The following FBLN7 variants were observed in gnomAD, a reference collection of about 807,000 sequenced individuals.
The protein encoded by FBLN7 is fibulin-7.
A neutral mutation model predicts 44.0 loss-of-function variants in FBLN7; 31 were observed. The observed-to-expected ratio is 0.70, with a 90% CI of 0.53 to 0.95. FBLN7 has a LOEUF of 0.95. Among genes scored for constraint, FBLN7 ranks in the 40% least tolerant of loss-of-function variants. The probability of loss-of-function intolerance (pLI) is 0.00; values close to 1 mark genes in which losing one functional copy is unlikely to be tolerated. For synonymous variants in FBLN7, 262 were observed against 253.4 expected, an observed-to-expected ratio of 1.03 and a Z score of -0.32; for missense variants, 573 against 618.5, an observed-to-expected ratio of 0.93 and a Z score of 0.78.
At chr2:112,220,938 T>C in the FBLN7 span, among the ~76,000 whole-genome samples, 2 of 152,384 alleles carry the variant, frequency 1.3e-5, no homozygotes, top group East Asian at 3.9e-4. Flanking sequence ...GTCATGAGGA[T>C]GATCTTCTTG....
rs555262950 is a variant in FBLN7, at chr2:112,162,352, G to T, written c.235+2517G>T. 8.6e-5 allele frequency among the ~76,000 whole-genome samples: 13 copies of T among 151,026 alleles called. 1 individual carries two copies. The South Asian group carries it at 2.5e-3, about 29-fold the overall frequency. On this transcript the variant is annotated intron_variant, in intron 2 of 7. Coordinates refer to ENST00000331203, the MANE Select transcript of FBLN7 (RefSeq NM_153214.3). ...TTTTTTTTAAGGGAATTTGCTGGGA[G>T]TCAGGAAGAATAATTTCCAGTTCTG...
At chr2:112,183,852 G>A (rs1683119213) in intron 6 of FBLN7, among the ~76,000 whole-genome samples, 1 of 152,174 alleles carries the variant, frequency 6.6e-6, no homozygotes, top group Admixed American at 6.5e-5. Flanking sequence ...TAGGAAGGAT[G>A]TGTGCAGAGT....
intron 1 of FBLN7, among the ~76,000 whole-genome samples, chr2:112,157,730 C>A (rs1489117328): frequency 6.6e-6 from 1 of 152,170 alleles, no homozygotes; most frequent in African/African-American, 2.4e-5. Context: ...CTCAAGTGAT[C>A]TTCCTGCCTA....
At chr2:112,157,231 A>G (rs1681477514) in intron 1 of FBLN7, among the ~76,000 whole-genome samples, 1 of 152,028 alleles carries the variant, frequency 6.6e-6, no homozygotes, top group South Asian at 2.1e-4. Context: ...TTAGCGGGGC[A>G]TGGCGGTGGG....
At chr2:112,141,739 G>A (rs1324028181) in intron 1 of FBLN7, among the ~76,000 whole-genome samples, 1 of 152,208 alleles carries the variant, frequency 6.6e-6, no homozygotes, top group Admixed American at 6.5e-5. Context: ...GATGTGTGAT[G>A]AGATGCGTGA....
At chr2:112,149,335 G>T (rs1009187101) in intron 1 of FBLN7, among the ~76,000 whole-genome samples, 10 of 152,218 alleles carry the variant, frequency 6.6e-5, no homozygotes, top group African/African-American at 2.2e-4. Flanking sequence ...TCTTGGGCTA[G>T]CCTGGAGTCT....
chr2:112,231,797 TAAAAAAG>T, the FBLN7 span: 1 of 1,341,862 alleles, frequency 7.5e-7, no homozygotes, highest in South Asian at 1.4e-5. Flanking sequence ...ACATATTCCT[TAAAAAAG>T]AAAAAACAAA....
chr2:112,168,974 T>TA (rs906829482), intron 3 of FBLN7, among the ~76,000 whole-genome samples: 4 of 152,028 alleles, frequency 2.6e-5, no homozygotes, highest in Admixed American at 2.0e-4. Flanking sequence ...ATTACGCCAT[T>TA]AAAAAACAGC....
the FBLN7 span, among the ~76,000 whole-genome samples, chr2:112,243,189 C>A: frequency 1.3e-5 from 2 of 152,150 alleles, no homozygotes; most frequent in Non-Finnish European, 2.9e-5. Context: ...TAATTTGCAG[C>A]AGATATATTT....
At chr2:112,229,198 A>G in the FBLN7 span, among the ~76,000 whole-genome samples, 1 of 151,878 alleles carries the variant, frequency 6.6e-6, no homozygotes, top group Non-Finnish European at 1.5e-5. Flanking sequence ...GGGAAAGAGC[A>G]GTCTTTTTAA....
At chr2:112,185,469 C>T (rs923140233) in intron 7 of FBLN7, 130 bp downstream of exon 7, 50 of 1,259,932 alleles carry the variant, frequency 4.0e-5, no homozygotes, top group South Asian at 1.3e-4. Flanking sequence ...GGCTGGGAGG[C>T]TGGTGTCTCT....
chr2:112,157,731 T>TTCC (rs1286506103), intron 1 of FBLN7, among the ~76,000 whole-genome samples: 1 of 152,132 alleles, frequency 6.6e-6, no homozygotes, highest in Admixed American at 6.5e-5. Flanking sequence ...TCAAGTGATC[T>TTCC]TCCTGCCTAC....
chr2:112,214,552 A>T, the FBLN7 span: 1 of 152,144 alleles, frequency 6.6e-6, no homozygotes, highest in Non-Finnish European at 1.5e-5. Flanking sequence ...AACCAAGGGG[A>T]GCAGAGGGAA....
chr2:112,222,666 A>AT, the FBLN7 span, among the ~76,000 whole-genome samples: 3 of 152,196 alleles, frequency 2.0e-5, no homozygotes, highest in East Asian at 1.9e-4. Context: ...CTTATATGAG[A>AT]TAAAAAAAGG....
chr2:112,159,767 G>A lies in FBLN7; in HGVS notation c.167G>A (p.Arg56His), dbSNP rs200236890. 2.1e-5 allele frequency: 33 copies of A among 1,604,086 alleles called. No homozygotes were observed. The East Asian group carries it at 3.9e-4, about 19-fold the overall frequency. Residue 56 changes from arginine (R) to histidine (H), a missense_variant, in exon 2 of 8, where the codon CGC (arginine) becomes CAC (histidine). Arg to His is a conservative substitution (Grantham distance 29, BLOSUM62 0). Transcript: ENST00000331203. ...GAGACACGCTTCGCCGAGGGCATCCGCCACATGAAGAGCCGGCTGGCCGCG... is the reference window on the plus strand; with the variant it reads ...GAGACACGCTTCGCCGAGGGCATCCACCACATGAAGAGCCGGCTGGCCGCG... ...GQETRFAEGIRHMKSRLAALQ... is the reference protein window; with the variant it reads ...GQETRFAEGIHHMKSRLAALQ...
At chr2:112,232,357 T>C in the FBLN7 span, among the ~76,000 whole-genome samples, 2 of 149,448 alleles carry the variant, frequency 1.3e-5, no homozygotes, top group African/African-American at 4.9e-5. Flanking sequence ...TAGCAGAAAC[T>C]GGATTTCTCT....
the FBLN7 span, among the ~76,000 whole-genome samples, chr2:112,227,758 CAA>C: frequency 4.6e-5 from 7 of 151,948 alleles, no homozygotes; most frequent in East Asian, 1.9e-4. Flanking sequence ...AATAAATTAA[CAA>C]AAAAGTGTAC....
intron 1 of FBLN7, among the ~76,000 whole-genome samples, chr2:112,144,681 C>A (rs1468085720): frequency 1.3e-5 from 2 of 152,072 alleles, no homozygotes; most frequent in Non-Finnish European, 2.9e-5. Context: ...CTCCCGCCAC[C>A]ACGCCCAGCT....
chr2:112,159,913 C>G, intron 2 of FBLN7, 78 bp downstream of exon 2: 1 of 1,248,556 alleles, frequency 8.0e-7, no homozygotes, highest in Non-Finnish European at 1.0e-6. Flanking sequence ...CAGCTGGAGG[C>G]CCCTCGTCAC....
Sources: allele counts gnomAD v4.1 joint callset (sites outside exome capture counted in the v4.1 genomes callset), GRCh38; gene constraint gnomAD v4.1.1; transcripts MANE v1.5; gene names NCBI Gene and HGNC (gene_info 2026-07-23, HGNC 2026-07-21).